Variants in PTPRD observed in about 807,000 individuals in gnomAD.
The protein encoded by PTPRD is receptor-type tyrosine-protein phosphatase delta.
A neutral mutation model predicts 214.5 loss-of-function variants in PTPRD; 34 were observed. The ratio of observed to expected loss-of-function variants is 0.16; its 90% CI spans 0.12 to 0.21. The LOEUF (loss-of-function observed/expected upper bound fraction) is 0.21, where lower values mean the gene tolerates loss of function less well. Ranked by LOEUF, PTPRD falls within the 10% of genes least tolerant of loss-of-function variation. PTPRD has a pLI of 1.00. For synonymous variants in PTPRD, 1,128 were observed against 845.7 expected (o/e 1.33, Z -5.79); for missense variants, 2,545 against 2,398.7 (o/e 1.06, Z -1.27).
chr9:10,552,383 C>T (rs1016330714), intron 2 of PTPRD, among the ~76,000 whole-genome samples: 7 of 152,138 alleles, frequency 4.6e-5, no homozygotes, highest in Non-Finnish European at 8.8e-5. Flanking sequence ...ATTTTGCAAT[C>T]ACAGAGAATT....
chr9:10,086,546 A>G (rs889357423), intron 3 of PTPRD, among the ~76,000 whole-genome samples: 6 of 151,734 alleles, frequency 4.0e-5, no homozygotes, highest in Admixed American at 2.6e-4. Context: ...AGCTGTTATA[A>G]ACTTGGACAA....
chr9:9,901,793 C>G, intron 5 of PTPRD, among the ~76,000 whole-genome samples: 1 of 152,084 alleles, frequency 6.6e-6, no homozygotes, highest in Non-Finnish European at 1.5e-5. Context: ...AGGAAACTTA[C>G]AATCATGGCA....
intron 4 of PTPRD, among the ~76,000 whole-genome samples, chr9:10,031,729 A>G (rs1441230493): frequency 6.7e-6 from 1 of 150,340 alleles, no homozygotes; most frequent in Non-Finnish European, 1.5e-5. Flanking sequence ...TTAAGGATTC[A>G]CAGAGTTGTG....
At chr9:9,595,306 AT>A (rs1563936391) in intron 7 of PTPRD, among the ~76,000 whole-genome samples, 7 of 77,386 alleles carry the variant, frequency 9.0e-5, no homozygotes, top group African/African-American at 2.2e-4. Context: ...ATATATATAT[AT>A]ATATTATATA....
At chr9:9,135,582 C>T (rs1268266281) in intron 10 of PTPRD, among the ~76,000 whole-genome samples, 2 of 151,986 alleles carry the variant, frequency 1.3e-5, no homozygotes, top group African/African-American at 2.4e-5. Flanking sequence ...TGGCTAAGTG[C>T]GATAGGAGAC....
At chr9:9,166,345 A>C (rs1035581464) in intron 10 of PTPRD, among the ~76,000 whole-genome samples, 8 of 151,984 alleles carry the variant, frequency 5.3e-5, no homozygotes, top group African/African-American at 1.9e-4. Flanking sequence ...TATTCCTGGA[A>C]TTTTGGGAGA....
rs1427846342 is a variant in PTPRD at position 8,436,668 on chromosome 9, A to C, written c.4010T>G (p.Ile1337Arg). The C allele has an allele frequency of 6.2e-7, 1 of 1,613,154 alleles. No individual in the cohort carries two copies. Among genetic ancestry groups the C allele is most frequent in the South Asian group, 1.1e-5 (1 of 91,042 alleles). ...QTPGMASHPP[I>R]PILELADHIE... ...GTGGTCTGCAAGTTCCAAGATGGGT[A>C]TTGGAGGATGGCTAGCCATACCTAT... is the stretch of plus-strand genomic sequence containing the variant. Residue 1337 changes from isoleucine (I) to arginine (R), a missense_variant, in exon 35 of 46, where the codon ATA (isoleucine) becomes AGA (arginine). Ile to Arg is a moderately conservative substitution (Grantham distance 97, BLOSUM62 -3). Transcript: ENST00000381196.
At chr9:10,075,684 G>A (rs913619950) in intron 3 of PTPRD, among the ~76,000 whole-genome samples, 4 of 151,502 alleles carry the variant, frequency 2.6e-5, no homozygotes, top group Non-Finnish European at 5.9e-5. Flanking sequence ...TTTCTGGGGG[G>A]GAGGGGGAAA....
chr9:9,406,144 T>C (rs1352719292), intron 8 of PTPRD, among the ~76,000 whole-genome samples: 2 of 152,138 alleles, frequency 1.3e-5, no homozygotes, highest in Non-Finnish European at 2.9e-5. Flanking sequence ...AGGAGAATGT[T>C]TGCATACCTA....
intron 9 of PTPRD, among the ~76,000 whole-genome samples, chr9:9,240,818 T>C (rs2099970010): frequency 6.6e-6 from 1 of 152,190 alleles, no homozygotes; most frequent in African/African-American, 2.4e-5. Context: ...AACAACCAAA[T>C]TTTATCAATT....
At chr9:9,114,919 G>A (rs2099810868) in intron 10 of PTPRD, among the ~76,000 whole-genome samples, 1 of 152,060 alleles carries the variant, frequency 6.6e-6, no homozygotes, top group Non-Finnish European at 1.5e-5. Context: ...TTTAAACTGT[G>A]CTGAGCTCAA....
chr9:10,074,549 A>C (rs1302243071), intron 3 of PTPRD, among the ~76,000 whole-genome samples: 1 of 152,154 alleles, frequency 6.6e-6, no homozygotes, highest in African/African-American at 2.4e-5. Context: ...TGCTCTTTTC[A>C]GAAAAAAATA....
intron 5 of PTPRD, among the ~76,000 whole-genome samples, chr9:9,814,282 C>G (rs2048046347): frequency 1.4e-5 from 2 of 146,988 alleles, no homozygotes; most frequent in African/African-American, 5.2e-5. Flanking sequence ...GTAATAACGT[C>G]CTAACCTGAG....
At chr9:9,169,774 C>G (rs1468234390) in intron 10 of PTPRD, among the ~76,000 whole-genome samples, 1 of 152,148 alleles carries the variant, frequency 6.6e-6, no homozygotes, top group East Asian at 1.9e-4. Context: ...CATCTGTAGT[C>G]TAAGGACTCA....
At chr9:9,254,194 A>G (rs751850747) in intron 9 of PTPRD, among the ~76,000 whole-genome samples, 7 of 152,036 alleles carry the variant, frequency 4.6e-5, no homozygotes, top group African/African-American at 1.7e-4. Context: ...AGCACATCTT[A>G]TGGGGGCGGG....
At chr9:10,529,318 C>G (rs905535130) in intron 2 of PTPRD, among the ~76,000 whole-genome samples, 3 of 152,028 alleles carry the variant, frequency 2.0e-5, no homozygotes, top group African/African-American at 7.2e-5. Flanking sequence ...TGGAACCAAC[C>G]CAATTGCCCA....
At position 9,407,920 on chromosome 9, in the gene PTPRD, T is replaced by C. The variant is rs541704610; in HGVS notation, c.-236-10438A>G. On this transcript the variant is annotated intron_variant, in intron 8 of 45. Coordinates refer to ENST00000381196, the MANE Select transcript of PTPRD (RefSeq NM_002839.4). ...TTAGATATAAGGAAAAATTATAGTGTAGTAATTTTTTTAAAACCCAAATAC... is the reference window on the plus strand; with the variant it reads ...TTAGATATAAGGAAAAATTATAGTGCAGTAATTTTTTTAAAACCCAAATAC... Among the ~76,000 whole-genome samples the C allele has an allele frequency of 7.2e-5, 11 of 151,906 alleles. No homozygotes were observed. In the East Asian group the frequency reaches 9.7e-4, roughly 13 times the overall value.
chr9:8,605,591 C>T (rs1206105687), intron 14 of PTPRD, among the ~76,000 whole-genome samples: 2 of 152,186 alleles, frequency 1.3e-5, no homozygotes, highest in Non-Finnish European at 2.9e-5. Context: ...TACTAAGCCT[C>T]TGGAAGCCTC....
chr9:10,098,880 A>G (rs146575237), intron 3 of PTPRD, among the ~76,000 whole-genome samples: 1 of 151,768 alleles, frequency 6.6e-6, no homozygotes, highest in South Asian at 2.1e-4. Flanking sequence ...GCACTTCACC[A>G]TTTCAGTTCC....
Sources: gnomAD v4.1 joint callset for allele counts (sites outside exome capture counted in the v4.1 genomes callset) on GRCh38, gnomAD v4.1.1 for gene constraint, MANE v1.5 for transcripts, NCBI Gene and HGNC (gene_info 2026-07-23, HGNC 2026-07-21) for gene names.